The following PDE7B variants were observed in gnomAD, a reference collection of about 807,000 sequenced individuals.
PDE7B encodes 3',5'-cyclic-AMP phosphodiesterase 7B.
A neutral mutation model predicts 56.2 loss-of-function variants in PDE7B; 29 were observed. The observed-to-expected ratio is 0.52, with a 90% CI of 0.38 to 0.70. The LOEUF is 0.70. Among genes scored for constraint, PDE7B ranks in the 30% least tolerant of loss-of-function variants. PDE7B has a pLI of 0.00. For missense variants in PDE7B, 490 were observed against 565.0 expected (o/e 0.87, Z 1.35); for synonymous variants, 197 against 196.9 (o/e 1.00, Z 0.00).
Position 135,879,067 on chromosome 6 carries a change from T to G in PDE7B, c.21+27048T>G, listed in dbSNP as rs146957267. ...GAAACCAATTTCATCCATTTTTGAC[T>G]TCATGGTTTCTCATTTTTCAAATCA... On this transcript the variant is annotated intron_variant, in intron 1 of 12. Coordinates refer to ENST00000308191, the MANE Select transcript of PDE7B (RefSeq NM_018945.4). Among the ~76,000 whole-genome samples the G allele has an allele frequency of 1.4e-3, 213 of 152,208 alleles. 1 individual carries two copies. The highest frequency in any genetic ancestry group is 4.8e-3 in the African/African-American group (201 of 41,562).
intron 1 of PDE7B, 79 bp from the exon 2 acceptor site, chr6:135,947,385 T>C (rs1214432319): frequency 6.6e-6 from 7 of 1,066,298 alleles, no homozygotes; most frequent in Non-Finnish European, 1.0e-5. Flanking sequence ...GTTATGGTAA[T>C]GTCAGGTCAC....
chr6:136,156,180 T>G (rs1778601255), intron 8 of PDE7B: 2 of 329,594 alleles, frequency 6.1e-6, no homozygotes, highest in South Asian at 5.1e-5. Flanking sequence ...TGTGTGTGTG[T>G]GTGTGTGTGT....
chr6:136,042,851 G>T (rs995090127), intron 2 of PDE7B, among the ~76,000 whole-genome samples: 1 of 152,218 alleles, frequency 6.6e-6, no homozygotes, highest in African/African-American at 2.4e-5. Flanking sequence ...CAGGCACTGT[G>T]CTAGGCACCA....
chr6:136,167,917 A>T (rs568144825), intron 8 of PDE7B, among the ~76,000 whole-genome samples: 9 of 152,318 alleles, frequency 5.9e-5, no homozygotes, highest in African/African-American at 2.2e-4. Context: ...ACTGAGTTTA[A>T]TAGGACACAG....
At chr6:136,042,497 C>T (rs1043174210) in intron 2 of PDE7B, among the ~76,000 whole-genome samples, 3 of 152,186 alleles carry the variant, frequency 2.0e-5, no homozygotes, top group Admixed American at 6.5e-5. Flanking sequence ...TTATTAAGCT[C>T]GTTCCCATTT....
chr6:136,011,417 T>C (rs11963102), intron 2 of PDE7B, among the ~76,000 whole-genome samples: 1,675 of 152,356 alleles, frequency 0.011, 37 homozygotes, highest in African/African-American at 0.037. Context: ...TGAAACATTA[T>C]AGAATCTATT....
intron 12 of PDE7B, among the ~76,000 whole-genome samples, chr6:136,188,020 T>C (rs1779168073): frequency 6.6e-6 from 1 of 152,154 alleles, no homozygotes; most frequent in Non-Finnish European, 1.5e-5. Flanking sequence ...CTACAGACCT[T>C]TGCAAGGCTC....
chr6:136,021,565 A>C lies in PDE7B; in HGVS notation c.82+74041A>C, dbSNP rs141336668. 1.1e-3 allele frequency among the ~76,000 whole-genome samples: 163 copies of C among 151,140 alleles called. 1 individual carries two copies. Among genetic ancestry groups the C allele is most frequent in the African/African-American group, 3.6e-3 (146 of 41,040 alleles). On this transcript the variant is annotated intron_variant, in intron 2 of 12. Coordinates refer to ENST00000308191, the MANE Select transcript of PDE7B (RefSeq NM_018945.4). Reference sequence around the variant, plus strand: ...GGGCTGAGGCTGGAGAATTGCTTGAACCCAGGAGGCGGAGGTTGCAGTGAG... The same window carrying C: ...GGGCTGAGGCTGGAGAATTGCTTGACCCCAGGAGGCGGAGGTTGCAGTGAG...
intron 2 of PDE7B, among the ~76,000 whole-genome samples, chr6:136,067,352 TTC>T (rs1164951795): frequency 6.6e-6 from 1 of 152,204 alleles, no homozygotes; most frequent in East Asian, 1.9e-4. Context: ...TTGAATTTAT[TTC>T]TGTTTCTCAG....
intron 1 of PDE7B, among the ~76,000 whole-genome samples, chr6:135,942,846 T>G (rs890190211): frequency 6.6e-6 from 1 of 151,538 alleles, no homozygotes; most frequent in Admixed American, 6.6e-5. Flanking sequence ...TTTCAAGAGT[T>G]AATAATATTC....
At chr6:135,963,314 T>G (rs1774939939) in intron 2 of PDE7B, among the ~76,000 whole-genome samples, 1 of 152,208 alleles carries the variant, frequency 6.6e-6, no homozygotes, top group African/African-American at 2.4e-5. Context: ...ATTTTCTTCC[T>G]TTCTTCTCAA....
Position 135,889,750 on chromosome 6 carries a change from ATTTTT to A in PDE7B, c.21+37750_21+37754del, listed in dbSNP as rs35311247. Among the ~76,000 whole-genome samples the A allele has an allele frequency of 6.1e-3, 457 of 74,818 alleles. 1 individual carries two copies. Among genetic ancestry groups the A allele is most frequent in the South Asian group, 0.021 (51 of 2,428 alleles). 49.1% of individuals were successfully genotyped at this position (74,818 alleles called of 152,430 possible). On this transcript the variant is annotated intron_variant, in intron 1 of 12. Coordinates refer to ENST00000308191, the MANE Select transcript of PDE7B (RefSeq NM_018945.4). ...GCCACCGCACCCAGACGGTGCTACC[ATTTTT>A]TTTTTTTTTTTTTTTTTTGAGATGG...
intron 3 of PDE7B, among the ~76,000 whole-genome samples, chr6:136,126,531 T>A (rs1778025675): frequency 6.6e-6 from 1 of 152,170 alleles, no homozygotes; most frequent in Non-Finnish European, 1.5e-5. Flanking sequence ...CATTTGCAAC[T>A]GCAAAAATGT....
At chr6:135,898,374 T>G (rs1469537309) in intron 1 of PDE7B, among the ~76,000 whole-genome samples, 1 of 152,168 alleles carries the variant, frequency 6.6e-6, no homozygotes, top group Non-Finnish European at 1.5e-5. Context: ...TTTTCTTTAT[T>G]TTTTATAAAA....
At chr6:136,083,360 C>G (rs114554953) in intron 2 of PDE7B, among the ~76,000 whole-genome samples, 2,006 of 152,274 alleles carry the variant, frequency 0.013, 38 homozygotes, top group African/African-American at 0.046. Context: ...GAGACCTCCT[C>G]AAGTACCTGA....
intron 1 of PDE7B, among the ~76,000 whole-genome samples, chr6:135,899,373 A>T (rs973313020): frequency 6.6e-6 from 1 of 151,472 alleles, no homozygotes; most frequent in Non-Finnish European, 1.5e-5. Context: ...ACTTACATGT[A>T]TCTTATCCAA....
chr6:135,908,088 CTTT>C (rs11359781), intron 1 of PDE7B, among the ~76,000 whole-genome samples: 1 of 144,850 alleles, frequency 6.9e-6, no homozygotes, highest in Non-Finnish European at 1.5e-5. Flanking sequence ...TTGTCAACTG[CTTT>C]TTTTTTTTTT....
intron 2 of PDE7B, chr6:136,035,373 T>C (rs1204657230): frequency 1.3e-5 from 2 of 152,178 alleles, no homozygotes; most frequent in African/African-American, 4.8e-5. Flanking sequence ...ATAATTCACA[T>C]GGTAGAGAGG....
chr6:136,026,007 A>G (rs750177716), intron 2 of PDE7B, among the ~76,000 whole-genome samples: 1 of 152,202 alleles, frequency 6.6e-6, no homozygotes, highest in East Asian at 1.9e-4. Flanking sequence ...TGTCTTGGGT[A>G]GATCTGTGAG....
Sources: allele counts gnomAD v4.1 joint callset (sites outside exome capture counted in the v4.1 genomes callset), GRCh38; gene constraint gnomAD v4.1.1; transcripts MANE v1.5; gene names NCBI Gene and HGNC (gene_info 2026-07-23, HGNC 2026-07-21).